Variants in OSBPL3 observed in about 807,000 individuals in gnomAD.
OSBPL3 encodes the protein oxysterol binding protein like 3, also known as oxysterol-binding protein-related protein 3.
OSBPL3 carries 65 observed loss-of-function variants against 120.1 expected under a neutral mutation model. The observed-to-expected ratio is 0.54, with a 90% CI of 0.44 to 0.67. OSBPL3 has a LOEUF of 0.67. Ranked by LOEUF, OSBPL3 falls within the 30% of genes least tolerant of loss-of-function variation. The pLI, the probability that OSBPL3 is intolerant of heterozygous loss-of-function variation, is 0.00. For synonymous variants in OSBPL3, 416 were observed against 402.6 expected, an observed-to-expected ratio of 1.03 and a Z score of -0.40; for missense variants, 1,004 against 1,082.1, an observed-to-expected ratio of 0.93 and a Z score of 1.01.
At chr7:24,828,719 T>G (rs560828783) in intron 16 of OSBPL3, among the ~76,000 whole-genome samples, 137 of 151,572 alleles carry the variant, frequency 9.0e-4, no homozygotes, top group African/African-American at 3.1e-3. Context: ...TGTTTAAGCC[T>G]TACTACAACC....
intron 1 of OSBPL3, among the ~76,000 whole-genome samples, chr7:24,949,947 A>G (rs1814190306): frequency 6.6e-6 from 1 of 152,218 alleles, no homozygotes; most frequent in Non-Finnish European, 1.5e-5. Flanking sequence ...CCCAGGCCTT[A>G]TGGACTATTT....
At position 24,940,010 on chromosome 7, in the gene OSBPL3, A is replaced by C. The variant is rs1424735825; in HGVS notation, c.-150+39876T>G. Among the ~76,000 whole-genome samples the C allele has an allele frequency of 6.6e-6, 1 of 152,198 alleles. No individual in the cohort carries two copies. The highest frequency in any genetic ancestry group is 1.5e-5 in the Non-Finnish European group (1 of 68,032). ...CCAGAACTAAAAGAAAGAAAGAAAA[A>C]TAAATACATAAATAAATAAAGTTGG... On this transcript the variant is annotated intron_variant, in intron 1 of 22. Transcript: ENST00000313367. This position sits in a 1 kb window ranked among gnomAD's most constrained non-coding sequence, Gnocchi z 4.4.
chr7:24,882,922 G>GT (rs1803931098), intron 2 of OSBPL3, among the ~76,000 whole-genome samples: 1 of 152,006 alleles, frequency 6.6e-6, no homozygotes, highest in Non-Finnish European at 1.5e-5. Context: ...GAGATTATTT[G>GT]TTTTTTGTTG....
At position 24,849,083 on chromosome 7, in the gene OSBPL3, C is replaced by A; in HGVS notation, c.1252G>T (p.Asp418Tyr). 6.2e-7 allele frequency: 1 copy of A among 1,613,464 alleles called. No individual in the cohort carries two copies. Among genetic ancestry groups the A allele is most frequent in the South Asian group, 1.1e-5 (1 of 91,010 alleles). ...AACCTACCCACCTCTGCCAGATTGTCACCCGACTTGGCGACAGCGGGGGAG... is the reference window on the plus strand; with the variant it reads ...AACCTACCCACCTCTGCCAGATTGTAACCCGACTTGGCGACAGCGGGGGAG... ...LDSPAVAKSG[D>Y]NLAEENSRDE... Residue 418 changes from aspartate to tyrosine, a missense_variant, in exon 12 of 23, where the codon GAC (aspartate) becomes TAC (tyrosine). This residue lies in a region of OSBPL3 where 272 missense variants were observed against 248.8 expected (regional missense o/e 1.09). Transcript: ENST00000313367. The surrounding 1 kb of genome is among the most constrained non-coding windows in gnomAD (Gnocchi z 5.4).
chr7:24,878,273 A>T (rs916951911), intron 2 of OSBPL3, among the ~76,000 whole-genome samples: 1 of 152,214 alleles, frequency 6.6e-6, no homozygotes, highest in African/African-American at 2.4e-5. Flanking sequence ...AAAACGATTA[A>T]AACTTTTATT....
intron 17 of OSBPL3, 144 bp from the exon 18 acceptor site, chr7:24,816,832 A>G (rs1053153374): frequency 3.1e-6 from 2 of 638,882 alleles, no homozygotes; most frequent in South Asian, 1.9e-5. Context: ...CTTTTCATAA[A>G]ATATAAGTAC....
chr7:24,970,481 C>T (rs1816884957), intron 1 of OSBPL3, among the ~76,000 whole-genome samples: 1 of 152,196 alleles, frequency 6.6e-6, no homozygotes, highest in Non-Finnish European at 1.5e-5. Flanking sequence ...TCTGCAAAAG[C>T]ATCTCCCTCA....
chr7:24,960,468 A>G (rs1296048291), intron 1 of OSBPL3, among the ~76,000 whole-genome samples: 2 of 152,220 alleles, frequency 1.3e-5, no homozygotes, highest in African/African-American at 4.8e-5. Context: ...GCTGGACAAC[A>G]CAAAATCAAT....
rs547028888 is a variant in OSBPL3 at position 24,797,247 on chromosome 7, A to G, written c.*2936T>C. 9.8e-5 allele frequency: 15 copies of G among 152,372 alleles called. No individual in the cohort carries two copies. Among genetic ancestry groups the G allele is most frequent in the African/African-American group, 3.1e-4 (13 of 41,596 alleles). 9.4% of individuals were successfully genotyped at this position (152,372 alleles called of 1,614,324 possible). On this transcript the variant is annotated 3_prime_UTR_variant, in exon 23 of 23. Transcript: ENST00000313367. This position sits in a 1 kb window ranked among gnomAD's most constrained non-coding sequence, Gnocchi z 4.8. The stretch of plus-strand genomic sequence containing the variant: ...TGCTTGAAGCCCAAACAAATGATTT[A>G]CTACAAGTAATTAAAAGCAGAATAT...
At chr7:24,842,230 A>T (rs549508440) in intron 13 of OSBPL3, 49 bp downstream of exon 13, 2 of 1,586,626 alleles carry the variant, frequency 1.3e-6, no homozygotes, top group African/African-American at 2.7e-5. Context: ...TAATCAGCAA[A>T]GCAACAAGAG....
chr7:24,843,097 A>C (rs992570322), intron 12 of OSBPL3, among the ~76,000 whole-genome samples: 8 of 151,782 alleles, frequency 5.3e-5, no homozygotes, highest in African/African-American at 1.9e-4. Flanking sequence ...TCCATTCTCC[A>C]CTCCACTGGG....
intron 1 of OSBPL3, among the ~76,000 whole-genome samples, chr7:24,958,956 G>A (rs1369043150): frequency 6.6e-6 from 1 of 152,122 alleles, no homozygotes; most frequent in Non-Finnish European, 1.5e-5. Context: ...TTCTGGCTGG[G>A]ACTTGAATGA....
intron 14 of OSBPL3, among the ~76,000 whole-genome samples, chr7:24,837,773 G>A (rs111231464): frequency 6.6e-6 from 1 of 152,180 alleles, no homozygotes; most frequent in Non-Finnish European, 1.5e-5. Flanking sequence ...CATAGAGGAA[G>A]TAAGTATCTG....
At position 24,966,251 on chromosome 7, in the gene OSBPL3, A is replaced by G. The variant is rs1816367278; in HGVS notation, c.-150+13635T>C. 6.6e-6 allele frequency among the ~76,000 whole-genome samples: 1 copy of G among 152,222 alleles called. No individual in the cohort carries two copies. Among genetic ancestry groups the G allele is most frequent in the Admixed American group, 6.5e-5 (1 of 15,288 alleles). On this transcript the variant is annotated intron_variant, in intron 1 of 22. Transcript: ENST00000313367. The surrounding 1 kb of genome is among the most constrained non-coding windows in gnomAD (Gnocchi z 4.8). ...GACCACACACTGCACATTTTACAAA[A>G]GAAACCAAACTCCCACATCCTGTCC...
At chr7:24,923,685 G>A (rs1810692112) in intron 1 of OSBPL3, among the ~76,000 whole-genome samples, 1 of 152,164 alleles carries the variant, frequency 6.6e-6, no homozygotes, top group African/African-American at 2.4e-5. Context: ...ATGAGACAGG[G>A]GCAGGCAAAT....
Position 24,861,657 on chromosome 7 carries a change from T to C in OSBPL3, c.983A>G (p.Glu328Gly). 6.2e-7 allele frequency: 1 copy of C among 1,609,526 alleles called. No homozygotes were observed. The highest frequency in any genetic ancestry group is 8.5e-7 in the Non-Finnish European group (1 of 1,177,900). ...CAGATCTTCTTGCATTTTAGAAAACTCTGATGAGGTTTCAGAGCCATCAGA... is the reference window on the plus strand; with the variant it reads ...CAGATCTTCTTGCATTTTAGAAAACCCTGATGAGGTTTCAGAGCCATCAGA... ...NYSDGSETSS[E>G]FSKMQEDLCH... Residue 328 changes from glutamate (E) to glycine (G), a missense_variant, in exon 10 of 23, where the codon GAG (glutamate) becomes GGG (glycine). Coordinates refer to ENST00000313367, the MANE Select transcript of OSBPL3 (RefSeq NM_015550.4).
In OSBPL3 at chr7:24,818,732, T is replaced by C. The variant is rs1332034310; in HGVS notation, c.1948+1443A>G. 6.6e-6 allele frequency among the ~76,000 whole-genome samples: 1 copy of C among 151,938 alleles called. No individual in the cohort carries two copies. Among genetic ancestry groups the C allele is most frequent in the Non-Finnish European group, 1.5e-5 (1 of 67,996 alleles). On this transcript the variant is annotated intron_variant, in intron 17 of 22. Coordinates refer to ENST00000313367, the MANE Select transcript of OSBPL3 (RefSeq NM_015550.4). The surrounding 1 kb of genome is among the most constrained non-coding windows in gnomAD (Gnocchi z 4.0). The stretch of plus-strand genomic sequence containing the variant: ...GATTTAAGCCCAGCTACATCTACAA[T>C]CACAACAAACGGAAATGGTTTACAC...
At chr7:24,979,053 C>G (rs1033712564) in intron 1 of OSBPL3, among the ~76,000 whole-genome samples, 30 of 152,186 alleles carry the variant, frequency 2.0e-4, no homozygotes, top group Non-Finnish European at 4.4e-5. Context: ...TAAGAGGCTG[C>G]CTGGGAGTTT....
chr7:24,925,340 T>C lies in OSBPL3; in HGVS notation c.-149-32719A>G, dbSNP rs1304743982. 3.9e-5 allele frequency among the ~76,000 whole-genome samples: 6 copies of C among 152,310 alleles called. No homozygotes were observed. The East Asian group carries it at 7.7e-4, about 20-fold the overall frequency. ...ATTGTTGTCTGAGTTTTTGGAACACTGGGGGGTGATGTCTGCCTATAATAC... is the reference window on the plus strand; with the variant it reads ...ATTGTTGTCTGAGTTTTTGGAACACCGGGGGGTGATGTCTGCCTATAATAC... On this transcript the variant is annotated intron_variant, in intron 1 of 22. Transcript: ENST00000313367.
Sources: allele counts gnomAD v4.1 joint callset (sites outside exome capture counted in the v4.1 genomes callset), GRCh38; gene constraint gnomAD v4.1.1; regional missense constraint gnomAD v4.1.1; non-coding constraint Gnocchi (gnomAD v3.1); transcripts MANE v1.5; gene names NCBI Gene and HGNC (gene_info 2026-07-23, HGNC 2026-07-21).